TPH2: variants seen among roughly 807,000 people sequenced by gnomAD.
The protein encoded by TPH2 is tryptophan 5-hydroxylase 2.
Under a neutral mutation model 59.1 loss-of-function variants are expected in TPH2, and 27 were observed. The observed-to-expected ratio is 0.46, with a 90% CI of 0.34 to 0.63. TPH2 has a LOEUF of 0.63. Ranked by LOEUF, TPH2 falls within the 30% of genes least tolerant of loss-of-function variation. TPH2 has a pLI of 0.01. For missense variants in TPH2, 523 were observed against 588.3 expected (o/e 0.89, Z 1.15); for synonymous variants, 220 against 210.5 (o/e 1.05, Z -0.39).
chr12:72,031,145 C>A, intron 9 of TPH2, 113 bp from the exon 10 acceptor site: 4 of 1,373,268 alleles, frequency 2.9e-6, no homozygotes, highest in Non-Finnish European at 1.0e-6. Context: ...AGACTAGTAA[C>A]TGAGCAGCTC....
At chr12:72,002,197 AAAT>A (rs1299726786) in intron 8 of TPH2, among the ~76,000 whole-genome samples, 5 of 152,222 alleles carry the variant, frequency 3.3e-5, no homozygotes, top group Non-Finnish European at 5.9e-5. Context: ...TGTCAATCAA[AAAT>A]AATATTAGAA....
chr12:71,993,170 A>G (rs1872618668), intron 7 of TPH2, among the ~76,000 whole-genome samples: 1 of 152,124 alleles, frequency 6.6e-6, no homozygotes, highest in African/African-American at 2.4e-5. Flanking sequence ...TTTTTGATTG[A>G]GTGATTGAGT....
chr12:72,023,496 G>T (rs554206562), intron 9 of TPH2, among the ~76,000 whole-genome samples: 1 of 152,098 alleles, frequency 6.6e-6, no homozygotes, highest in South Asian at 2.1e-4. Context: ...AGGTACTATG[G>T]CAGTCACTGG....
intron 7 of TPH2, among the ~76,000 whole-genome samples, chr12:71,982,868 T>C (rs1278709302): frequency 2.0e-5 from 3 of 152,212 alleles, no homozygotes; most frequent in African/African-American, 4.8e-5. Flanking sequence ...TTATTTTCCC[T>C]TTCAGTCTGG....
intron 1 of TPH2, among the ~76,000 whole-genome samples, chr12:71,940,073 T>C (rs974115870): frequency 4.6e-5 from 7 of 152,194 alleles, no homozygotes; most frequent in Admixed American, 6.5e-5. Flanking sequence ...AAAATGTAAA[T>C]AGATTTTTTA....
chr12:72,006,371 A>G (rs1355923867), intron 8 of TPH2, among the ~76,000 whole-genome samples: 1 of 152,148 alleles, frequency 6.6e-6, no homozygotes, highest in Non-Finnish European at 1.5e-5. Flanking sequence ...GTAAGAATTT[A>G]TAGCCAAGGA....
At chr12:72,019,390 A>G (rs112015513) in intron 8 of TPH2, among the ~76,000 whole-genome samples, 5,436 of 152,280 alleles carry the variant, frequency 0.036, 326 homozygotes, top group African/African-American at 0.12. Flanking sequence ...TGCTCTTGGA[A>G]ATAAAAATCT....
At chr12:71,941,536 G>C in intron 1 of TPH2, 48 bp from the exon 2 acceptor site, 1 of 1,589,386 alleles carries the variant, frequency 6.3e-7, no homozygotes, top group Non-Finnish European at 8.6e-7. Flanking sequence ...GGAGGATTCT[G>C]GAACCCTAAC....
At chr12:72,020,784 G>A (rs1024107845) in intron 8 of TPH2, among the ~76,000 whole-genome samples, 2 of 152,110 alleles carry the variant, frequency 1.3e-5, no homozygotes, top group African/African-American at 4.8e-5. Context: ...ACCACGCCCA[G>A]TCTAGGGCTG....
intron 8 of TPH2, among the ~76,000 whole-genome samples, chr12:71,997,933 G>A (rs900210100): frequency 6.6e-6 from 1 of 152,184 alleles, no homozygotes; most frequent in African/African-American, 2.4e-5. Context: ...TTCAGTGTTG[G>A]AGGCTGGGCT....
intron 7 of TPH2, among the ~76,000 whole-genome samples, chr12:71,987,511 G>A (rs943725468): frequency 1.3e-5 from 2 of 152,040 alleles, no homozygotes; most frequent in African/African-American, 2.4e-5. Context: ...CCTAACTTAC[G>A]GGAACTAAGA....
chr12:72,014,699 T>G (rs1225815399), intron 8 of TPH2, among the ~76,000 whole-genome samples: 1 of 151,986 alleles, frequency 6.6e-6, no homozygotes, highest in Non-Finnish European at 1.5e-5. Flanking sequence ...CCCAGAAAAA[T>G]TTTTAACTCA....
chr12:72,007,951 A>T (rs1872999185), intron 8 of TPH2, among the ~76,000 whole-genome samples: 1 of 152,196 alleles, frequency 6.6e-6, no homozygotes, highest in African/African-American at 2.4e-5. Context: ...GTTATGGCCC[A>T]TTCATTTATT....
At chr12:72,000,258 A>G (rs1478207106) in intron 8 of TPH2, among the ~76,000 whole-genome samples, 1 of 152,238 alleles carries the variant, frequency 6.6e-6, no homozygotes, top group Non-Finnish European at 1.5e-5. Flanking sequence ...TATCTTTTCT[A>G]CTGGGCAGAA....
chr12:71,989,836 C>T (rs948630063), intron 7 of TPH2, among the ~76,000 whole-genome samples: 10 of 152,212 alleles, frequency 6.6e-5, no homozygotes, highest in African/African-American at 1.4e-4. Context: ...GACATTTCAC[C>T]GAGGCTCCTT....
intron 8 of TPH2, among the ~76,000 whole-genome samples, chr12:72,008,315 A>T (rs563167296): frequency 1.3e-5 from 2 of 152,338 alleles, no homozygotes; most frequent in East Asian, 3.9e-4. Flanking sequence ...TTAGATTGAG[A>T]TTCAGAAACC....
intron 5 of TPH2, among the ~76,000 whole-genome samples, chr12:71,951,701 C>CGT (rs1566117162): frequency 7.8e-6 from 1 of 127,986 alleles, no homozygotes; most frequent in African/African-American, 3.0e-5. Context: ...TGTGTGTGTG[C>CGT]ATGTGTGTGT....
intron 7 of TPH2, among the ~76,000 whole-genome samples, chr12:71,989,932 T>C (rs1398289542): frequency 6.8e-6 from 1 of 146,746 alleles, no homozygotes; most frequent in Non-Finnish European, 1.5e-5. Flanking sequence ...AAGTTTAGTG[T>C]CTGATATCAG....
At chr12:71,986,994 A>G (rs1176836063) in intron 7 of TPH2, among the ~76,000 whole-genome samples, 2 of 152,210 alleles carry the variant, frequency 1.3e-5, no homozygotes, top group Non-Finnish European at 2.9e-5. Context: ...GGGTGGGCAC[A>G]GAAGCCACCA....
Sources: allele counts gnomAD v4.1 joint callset (sites outside exome capture counted in the v4.1 genomes callset), GRCh38; gene constraint gnomAD v4.1.1; transcripts MANE v1.5; gene names NCBI Gene and HGNC (gene_info 2026-07-23, HGNC 2026-07-21).